Variants in ARHGAP24 observed in about 807,000 individuals in gnomAD.
ARHGAP24 encodes the protein rho GTPase-activating protein 24.
In ARHGAP24, 50 loss-of-function variants were observed where a neutral mutation model predicts 76.4. That is an observed-to-expected ratio of 0.65 (90% CI 0.52 to 0.83). The LOEUF (loss-of-function observed/expected upper bound fraction) is 0.83, where lower values mean the gene tolerates loss of function less well. Among genes scored for constraint, ARHGAP24 ranks in the 40% least tolerant of loss-of-function variants. The pLI, the probability that ARHGAP24 is intolerant of heterozygous loss-of-function variation, is 0.00. For synonymous variants in ARHGAP24, 345 were observed against 323.3 expected, an observed-to-expected ratio of 1.07 and a Z score of -0.72; for missense variants, 930 against 914.2, an observed-to-expected ratio of 1.02 and a Z score of -0.22.
chr4:85,721,895 TTCTGC>T lies in ARHGAP24; in HGVS notation c.192_196del (p.Leu65TrpfsTer3). 1 of 1,613,484 alleles carries T rather than the reference TTCTGC, an allele frequency of 6.2e-7. No individual in the cohort carries two copies. Among genetic ancestry groups the T allele is most frequent in the Non-Finnish European group, 8.5e-7 (1 of 1,179,602 alleles). ...TATTTGTTTTCACAGGGTACTATTTTTCTGCCTGGAAATAAAGTTTCTGAGCATCC... is the reference window on the plus strand; with the variant it reads ...TATTTGTTTTCACAGGGTACTATTTTCTGGAAATAAAGTTTCTGAGCATCC... On this transcript the variant is annotated frameshift_variant, in exon 3 of 10. Transcript: ENST00000395184. LOFTEE classifies it high-confidence loss of function.
chr4:85,557,556 A>G (rs1264748732), intron 1 of ARHGAP24, among the ~76,000 whole-genome samples: 1 of 152,010 alleles, frequency 6.6e-6, no homozygotes, highest in African/African-American at 2.4e-5. Flanking sequence ...CCAGGTGGGC[A>G]GTTTTCCTGT....
At chr4:85,979,512 A>G (rs893173388) in intron 8 of ARHGAP24, among the ~76,000 whole-genome samples, 3 of 152,056 alleles carry the variant, frequency 2.0e-5, no homozygotes, top group African/African-American at 7.2e-5. Flanking sequence ...GGCCCTGGCA[A>G]CTACCCTTCT....
chr4:85,639,401 A>G (rs994769448), intron 2 of ARHGAP24, among the ~76,000 whole-genome samples: 1 of 152,164 alleles, frequency 6.6e-6, no homozygotes, highest in African/African-American at 2.4e-5. Flanking sequence ...TTCAGGGGCT[A>G]TAGAAGCAAA....
chr4:85,649,700 C>T lies in ARHGAP24; in HGVS notation c.181-72185C>T, dbSNP rs555155654. Among the ~76,000 whole-genome samples, 5 of 151,152 alleles carry T rather than the reference C, an allele frequency of 3.3e-5. No individual in the cohort carries two copies. In the South Asian group the frequency reaches 6.2e-4, roughly 19 times the overall value. On this transcript the variant is annotated intron_variant, in intron 2 of 9. Transcript: ENST00000395184. ...TGAAACTAGACCAGTCCAATAAAAC[C>T]AAAACAAATTTCATGATGGAGTCTT...
intron 5 of ARHGAP24, among the ~76,000 whole-genome samples, chr4:85,947,070 C>A (rs1578419711): frequency 6.6e-6 from 1 of 152,092 alleles, no homozygotes; most frequent in African/African-American, 2.4e-5. Context: ...ATATGCATTT[C>A]TCTGATGATT....
intron 3 of ARHGAP24, among the ~76,000 whole-genome samples, chr4:85,759,167 A>G (rs556071214): frequency 4.6e-5 from 7 of 152,330 alleles, no homozygotes; most frequent in Admixed American, 3.9e-4. Context: ...GTTTTTCCCT[A>G]TGTATCATCT....
chr4:85,873,892 C>A (rs1008206437), intron 3 of ARHGAP24, among the ~76,000 whole-genome samples: 1 of 152,108 alleles, frequency 6.6e-6, no homozygotes. Flanking sequence ...AAAATTTGAC[C>A]ATGCAGTTAA....
chr4:85,844,593 G>C (rs1326969847), intron 3 of ARHGAP24, among the ~76,000 whole-genome samples: 1 of 152,120 alleles, frequency 6.6e-6, no homozygotes, highest in Non-Finnish European at 1.5e-5. Context: ...ATCGAGATTT[G>C]TATTTGTATT....
intron 2 of ARHGAP24, among the ~76,000 whole-genome samples, chr4:85,633,445 T>C (rs1721223004): frequency 6.6e-6 from 1 of 151,988 alleles, no homozygotes; most frequent in South Asian, 2.1e-4. Flanking sequence ...TGCTGCCATG[T>C]ATTTAAATTG....
intron 2 of ARHGAP24, among the ~76,000 whole-genome samples, chr4:85,625,124 T>C (rs565186717): frequency 6.5e-4 from 99 of 152,176 alleles, no homozygotes; most frequent in Middle Eastern, 3.2e-3. Flanking sequence ...CTTTTGAATG[T>C]GTTTGCTCTT....
chr4:85,874,326 A>T (rs913886705), intron 3 of ARHGAP24, among the ~76,000 whole-genome samples: 1 of 152,198 alleles, frequency 6.6e-6, no homozygotes, highest in Non-Finnish European at 1.5e-5. Context: ...AGAGAATCTT[A>T]TTCCAGGTGT....
intron 1 of ARHGAP24, among the ~76,000 whole-genome samples, chr4:85,541,952 T>G (rs1725722392): frequency 1.3e-5 from 2 of 152,210 alleles, no homozygotes; most frequent in Admixed American, 1.3e-4. Context: ...CTTAGAGTTT[T>G]ATATATGTAT....
chr4:85,601,154 G>C (rs1720014280), intron 2 of ARHGAP24, among the ~76,000 whole-genome samples: 1 of 151,544 alleles, frequency 6.6e-6, no homozygotes, highest in Non-Finnish European at 1.5e-5. Flanking sequence ...TTAATTTATT[G>C]TATTGCTTTC....
chr4:85,735,115 G>T lies in ARHGAP24; in HGVS notation c.268+13143G>T, dbSNP rs116444012. 5.1e-3 allele frequency among the ~76,000 whole-genome samples: 768 copies of T among 151,984 alleles called. 5 individuals carry two copies. Among genetic ancestry groups the T allele is most frequent in the African/African-American group, 0.018 (727 of 41,446 alleles). On this transcript the variant is annotated intron_variant, in intron 3 of 9. Coordinates refer to ENST00000395184, the MANE Select transcript of ARHGAP24 (RefSeq NM_001025616.3). ...CTATTGATTGTACTGTTTTTATCTT[G>T]TTATGTAATTTTGGCTCCTGTGTGT...
chr4:85,821,927 T>C (rs546161168), intron 3 of ARHGAP24, among the ~76,000 whole-genome samples: 1 of 152,304 alleles, frequency 6.6e-6, no homozygotes, highest in South Asian at 2.1e-4. Flanking sequence ...GTAAAAGTAT[T>C]TACTGTTTTT....
intron 3 of ARHGAP24, among the ~76,000 whole-genome samples, chr4:85,902,904 A>G (rs751239535): frequency 2.0e-4 from 31 of 152,228 alleles, no homozygotes; most frequent in Non-Finnish European, 2.6e-4. Context: ...GCGCCCGGCC[A>G]CAAGATGCAA....
chr4:85,916,340 A>C (rs1202639525), intron 3 of ARHGAP24, among the ~76,000 whole-genome samples: 2 of 151,956 alleles, frequency 1.3e-5, no homozygotes, highest in Non-Finnish European at 2.9e-5. Context: ...AGATTGCAAA[A>C]ATTTTCTCCC....
At chr4:85,983,692 G>A (rs2148862203) in intron 8 of ARHGAP24, among the ~76,000 whole-genome samples, 1 of 152,144 alleles carries the variant, frequency 6.6e-6, no homozygotes, top group Admixed American at 6.6e-5. Flanking sequence ...CTCTGTTATT[G>A]TCTCCCCTGC....
chr4:85,952,237 T>C (rs986314280), intron 5 of ARHGAP24, among the ~76,000 whole-genome samples: 2 of 152,256 alleles, frequency 1.3e-5, no homozygotes, highest in African/African-American at 4.8e-5. Context: ...CATTATATCA[T>C]GGACATTTTC....
Sources: allele counts gnomAD v4.1 joint callset (sites outside exome capture counted in the v4.1 genomes callset), GRCh38; gene constraint gnomAD v4.1.1; transcripts MANE v1.5; gene names NCBI Gene and HGNC (gene_info 2026-07-23, HGNC 2026-07-21).